WDR35: variants seen among roughly 807,000 people sequenced by gnomAD.
WDR35 encodes WD repeat-containing protein 35.
A neutral mutation model predicts 158.3 loss-of-function variants in WDR35; 118 were observed. The observed-to-expected ratio is 0.75, with a 90% CI of 0.64 to 0.87. The LOEUF is 0.87. Among genes scored for constraint, WDR35 ranks in the 40% least tolerant of loss-of-function variants. The pLI is 0.00. For missense variants in WDR35, 1,263 were observed against 1,405.8 expected (o/e 0.90, Z 1.62); for synonymous variants, 448 against 476.1 (o/e 0.94, Z 0.77).
intron 25 of WDR35, among the ~76,000 whole-genome samples, chr2:19,927,675 C>T (rs907884515): frequency 1.3e-5 from 2 of 152,144 alleles, no homozygotes; most frequent in Non-Finnish European, 2.9e-5. Flanking sequence ...AATAAAAAAG[C>T]GTCTAGAAGG....
intron 21 of WDR35, 189 bp downstream of exon 21, chr2:19,935,279 TTCC>T: frequency 2.0e-6 from 1 of 507,074 alleles, no homozygotes. Context: ...TGACTGACTT[TTCC>T]TCCTCCATTT....
rs7575732 is a variant in WDR35, at chr2:19,969,178, G to C, written c.1008+302C>G. ...TCTCATTGACGCTAATCTTTGGGTGGTACTTTTTATCATCCCTTACTGTTC... is the reference window on the plus strand; with the variant it reads ...TCTCATTGACGCTAATCTTTGGGTGCTACTTTTTATCATCCCTTACTGTTC... On this transcript the variant is annotated intron_variant, in intron 9 of 26. Coordinates refer to ENST00000281405, the MANE Select transcript of WDR35 (RefSeq NM_020779.4). 0.46 allele frequency among the ~76,000 whole-genome samples: 69,652 copies of C among 152,022 alleles called. 16,173 individuals are homozygous for C. The highest frequency in any genetic ancestry group is 0.64 in the East Asian group (3,308 of 5,180).
intron 8 of WDR35, among the ~76,000 whole-genome samples, chr2:19,969,901 C>A (rs1671983365): frequency 6.6e-6 from 1 of 152,052 alleles, no homozygotes; most frequent in Non-Finnish European, 1.5e-5. Flanking sequence ...GCGCCCGCCA[C>A]CACGCCAAGC....
chr2:19,966,591 G>T (rs768861265), intron 10 of WDR35, 133 bp downstream of exon 10: 3 of 1,032,656 alleles, frequency 2.9e-6, no homozygotes, highest in Non-Finnish European at 4.2e-6. Context: ...TCCAAAATTG[G>T]TCTAGACCAA....
At position 19,978,792 on chromosome 2, in the gene WDR35, A is replaced by G. The variant is rs771134655; in HGVS notation, c.395T>C (p.Ile132Thr). 1 of 1,613,912 alleles carries G rather than the reference A, an allele frequency of 6.2e-7. No individual in the cohort carries two copies. The highest frequency in any genetic ancestry group is 8.5e-7 in the Non-Finnish European group (1 of 1,179,880). The part of the protein sequence containing the change: ...SWNADGQKIC[I>T]VYEDGAVIVG... ...TATCACAGCCCCATCTTCATATACAATGCAGATCTTCTGTCCGTCAGCATT... is the reference window on the plus strand; with the variant it reads ...TATCACAGCCCCATCTTCATATACAGTGCAGATCTTCTGTCCGTCAGCATT... The change falls in exon 5 of 27, where the codon ATT becomes ACT. Residue 132 changes from isoleucine (I) to threonine (T), a missense_variant. Ile to Thr is a moderately conservative substitution (Grantham distance 89). Coordinates refer to ENST00000281405, the MANE Select transcript of WDR35 (RefSeq NM_020779.4).
At chr2:19,946,657 G>A in intron 14 of WDR35, 87 bp from the exon 15 acceptor site, 1 of 1,281,896 alleles carries the variant, frequency 7.8e-7, no homozygotes, top group Non-Finnish European at 1.1e-6. Context: ...CTATACATTT[G>A]TCTTAAAACC....
chr2:19,978,246 A>G (rs1672272547), intron 5 of WDR35, among the ~76,000 whole-genome samples: 1 of 152,094 alleles, frequency 6.6e-6, no homozygotes. Flanking sequence ...AGAAATAAAA[A>G]TGATTTTAAA....
chr2:19,963,234 T>A (rs575836978), intron 10 of WDR35, among the ~76,000 whole-genome samples: 5 of 152,328 alleles, frequency 3.3e-5, no homozygotes, highest in African/African-American at 1.2e-4. Flanking sequence ...TATACTTCAA[T>A]TAAAAGGTGT....
chr2:19,966,485 C>T (rs1034301802), intron 10 of WDR35, among the ~76,000 whole-genome samples: 19 of 151,910 alleles, frequency 1.3e-4, no homozygotes, highest in African/African-American at 4.1e-4. Context: ...AAACAAAAAG[C>T]TTCAGTATTA....
intron 9 of WDR35, among the ~76,000 whole-genome samples, chr2:19,967,295 T>G (rs2103445715): frequency 6.6e-6 from 1 of 152,300 alleles, no homozygotes; most frequent in East Asian, 1.9e-4. Context: ...TCACTTTGCC[T>G]TTTTACCCCC....
rs146380332 is a variant in WDR35, at chr2:19,953,858, C to G, written c.1376G>C (p.Arg459Pro). ...CCTTTCTCTCCCTTCTTTTCGAGACCGTGTGATCTGATTAATTTCCAATGC... is the reference window on the plus strand; with the variant it reads ...CCTTTCTCTCCCTTCTTTTCGAGACGGTGTGATCTGATTAATTTCCAATGC... ...LTALEINQIT[R>P]SRKEGRERIY... The change falls in exon 12 of 27, where the codon CGG becomes CCG. Residue 459 changes from arginine (R) to proline (P), a missense_variant. Arg to Pro is a moderately radical substitution (Grantham distance 103). Transcript: ENST00000281405. The G allele has an allele frequency of 1.2e-6, 2 of 1,613,868 alleles. No individual in the cohort carries two copies. The highest frequency in any genetic ancestry group is 1.6e-4 in the Middle Eastern group (1 of 6,082).
intron 17 of WDR35, among the ~76,000 whole-genome samples, chr2:19,940,825 C>A (rs1489279842): frequency 6.6e-6 from 1 of 152,182 alleles, no homozygotes; most frequent in Non-Finnish European, 1.5e-5. Context: ...TGCTGTCCAG[C>A]CATTTCTGAC....
intron 7 of WDR35, 60 bp from the exon 8 acceptor site, chr2:19,973,768 T>C: frequency 6.4e-7 from 1 of 1,560,254 alleles, no homozygotes; most frequent in Non-Finnish European, 8.7e-7. Context: ...GAGAACTTTA[T>C]AATCTTAAGA....
chr2:19,978,856 T>G lies in WDR35; in HGVS notation c.331A>C (p.Asn111His). ...YKGSWIEEMI[N>H]NRNKSVVRSM... ...CGAACAACTGATTTATTTCGATTGTTGATCATCTCCTCAATCCAAGAGCCT... is the reference window on the plus strand; with the variant it reads ...CGAACAACTGATTTATTTCGATTGTGGATCATCTCCTCAATCCAAGAGCCT... The change falls in exon 5 of 27, where the codon AAC becomes CAC. Residue 111 changes from asparagine (N) to histidine (H), a missense_variant. Physicochemically the swap from Asn to His is moderately conservative, Grantham distance 68. Coordinates refer to ENST00000281405, the MANE Select transcript of WDR35 (RefSeq NM_020779.4). 6.2e-7 allele frequency: 1 copy of G among 1,613,810 alleles called. No homozygotes were observed. Among genetic ancestry groups the G allele is most frequent in the Non-Finnish European group, 8.5e-7 (1 of 1,179,832 alleles).
intron 17 of WDR35, 44 bp from the exon 18 acceptor site, chr2:19,938,445 T>TA: frequency 3.7e-6 from 6 of 1,605,664 alleles, no homozygotes; most frequent in Non-Finnish European, 4.3e-6. Context: ...TATTTGCCGT[T>TA]AGAGTATGTG....
chr2:19,955,352 T>A (rs6721754), intron 11 of WDR35, among the ~76,000 whole-genome samples: 30,711 of 152,182 alleles, frequency 0.2, 3,395 homozygotes, highest in East Asian at 0.4. Flanking sequence ...TCCTAATATG[T>A]ATTGGAAATA....
chr2:19,955,875 T>C (rs1211965777), intron 11 of WDR35, among the ~76,000 whole-genome samples: 4 of 152,140 alleles, frequency 2.6e-5, no homozygotes, highest in African/African-American at 9.7e-5. Context: ...TCAATAATTT[T>C]TATATGCTAA....
In WDR35 at chr2:19,974,546, C is replaced by A. The variant is rs746602378; in HGVS notation, c.658G>T (p.Val220Leu). The change falls in exon 7 of 27, where the codon GTG becomes TTG. Residue 220 changes from valine to leucine, a missense_variant. Val to Leu is a conservative substitution (Grantham distance 32, BLOSUM62 1). Transcript: ENST00000281405. ...GCAAGGCAAGGGCAATCAGGCTCCA[C>A]GTAGCCTTCTGTGCCATGGTACCAA... ...IHWYHGTEGY[V>L]EPDCPCLAVC... 6 of 1,613,302 alleles carry A rather than the reference C, an allele frequency of 3.7e-6. No individual in the cohort carries two copies. In the East Asian group the frequency reaches 8.9e-5, roughly 24 times the overall value.
intron 11 of WDR35, among the ~76,000 whole-genome samples, chr2:19,959,221 G>A (rs556204156): frequency 6.6e-6 from 1 of 151,148 alleles, no homozygotes; most frequent in Non-Finnish European, 1.5e-5. Flanking sequence ...TTATGAAGAA[G>A]GATTTACATT....
Sources: gnomAD v4.1 joint callset for allele counts (sites outside exome capture counted in the v4.1 genomes callset) on GRCh38, gnomAD v4.1.1 for gene constraint, MANE v1.5 for transcripts, NCBI Gene and HGNC (gene_info 2026-07-23, HGNC 2026-07-21) for gene names.